Variants in AGPAT2 observed in about 807,000 individuals in gnomAD.
The protein encoded by AGPAT2 is 1-acylglycerol-3-phosphate O-acyltransferase 2.
AGPAT2 carries 18 observed loss-of-function variants against 26.1 expected under a neutral mutation model. The ratio of observed to expected loss-of-function variants is 0.69; its 90% confidence interval spans 0.48 to 1.02. The LOEUF is 1.02. Among genes scored for constraint, AGPAT2 ranks in the 50% least tolerant of loss-of-function variants. AGPAT2 has a pLI of 0.00. For synonymous variants in AGPAT2, 200 were observed against 174.2 expected (o/e 1.15, Z -1.16); for missense variants, 415 against 394.9 (o/e 1.05, Z -0.43).
chr9:136,677,770 A>G (rs1177145253), intron 1 of AGPAT2, among the ~76,000 whole-genome samples: 1 of 152,136 alleles, frequency 6.6e-6, no homozygotes, highest in Non-Finnish European at 1.5e-5. Context: ...CCGTCTCCCC[A>G]GCAACAGAGG....
chr9:136,686,193 G>C (rs571734530), intron 1 of AGPAT2, among the ~76,000 whole-genome samples: 7 of 152,226 alleles, frequency 4.6e-5, no homozygotes, highest in African/African-American at 1.7e-4. Context: ...CAAGGACAGC[G>C]AGTGCAGGGA....
At chr9:136,674,214 G>T (rs975657720) in intron 5 of AGPAT2, among the ~76,000 whole-genome samples, 1 of 152,206 alleles carries the variant, frequency 6.6e-6, no homozygotes, top group Admixed American at 6.5e-5. Context: ...CTACCTCACT[G>T]CCTGGCCTCT....
chr9:136,678,587 T>C (rs1348834804), intron 1 of AGPAT2, among the ~76,000 whole-genome samples: 1 of 152,128 alleles, frequency 6.6e-6, no homozygotes, highest in Non-Finnish European at 1.5e-5. Context: ...CCCCTCTCCA[T>C]GCAGACTAGT....
chr9:136,673,543 G>A lies in AGPAT2; in HGVS notation c.*209C>T. The A allele has an allele frequency of 2.2e-6, 1 of 458,806 alleles. No individual in the cohort carries two copies. The highest frequency in any genetic ancestry group is 6.2e-5 in the South Asian group (1 of 16,202). 28.4% of individuals were successfully genotyped at this position (458,806 alleles called of 1,614,324 possible). Reference sequence around the variant, plus strand: ...GCGCGAGTCCCTGCCCTCGAGCCCGGGGAGGGTCCAGCTGAGCCCCCTGCA... The same window carrying A: ...GCGCGAGTCCCTGCCCTCGAGCCCGAGGAGGGTCCAGCTGAGCCCCCTGCA... On this transcript the variant is annotated 3_prime_UTR_variant, in exon 6 of 6. Coordinates refer to ENST00000371696, the MANE Select transcript of AGPAT2 (RefSeq NM_006412.4).
chr9:136,679,029 C>T (rs1588265381), intron 1 of AGPAT2, among the ~76,000 whole-genome samples: 1 of 152,222 alleles, frequency 6.6e-6, no homozygotes. Context: ...GCTGGGCTTA[C>T]AGGCCTGAGC....
intron 1 of AGPAT2, among the ~76,000 whole-genome samples, chr9:136,680,345 G>C (rs1846143324): frequency 6.6e-6 from 1 of 152,120 alleles, no homozygotes; most frequent in South Asian, 2.1e-4. Flanking sequence ...TCCTGCCTCA[G>C]CCTCCTGAGT....
At chr9:136,677,371 G>A in intron 2 of AGPAT2, 52 bp downstream of exon 2, 1 of 1,612,046 alleles carries the variant, frequency 6.2e-7, no homozygotes, top group Non-Finnish European at 8.5e-7. Context: ...CACAGCCCCA[G>A]CTCAGCCGGC....
In AGPAT2 at chr9:136,673,834, A is replaced by G. The variant is rs1247427045; in HGVS notation, c.755T>C (p.Met252Thr). The stretch of plus-strand genomic sequence containing the variant: ...GGAGATGTGGAGGAAGGTGGTCCTC[A>G]TGGCCCGGTGGCAGGTGTCCACGAG... ...PALVDTCHRA[M>T]RTTFLHISKT... The change falls in exon 6 of 6, where the codon ATG becomes ACG. Residue 252 changes from methionine (M) to threonine (T), a missense_variant. Transcript: ENST00000371696. The G allele has an allele frequency of 3.7e-6, 6 of 1,606,582 alleles. No individual in the cohort carries two copies. The highest frequency in any genetic ancestry group is 3.3e-5 in the South Asian group (3 of 89,814).
intron 1 of AGPAT2, among the ~76,000 whole-genome samples, chr9:136,682,035 C>T (rs1383084741): frequency 6.6e-6 from 1 of 152,200 alleles, no homozygotes; most frequent in Non-Finnish European, 1.5e-5. Flanking sequence ...CCCCCCTCTT[C>T]AGATGAGGAA....
chr9:136,677,018 G>A lies in AGPAT2; in HGVS notation c.435C>T (p.Arg145=), dbSNP rs1430893895. Reference sequence around the variant, plus strand: ...CCATCACTGTCATGGCAGTGCTAGAGCGCTGCCGGTTGATGAAGAAGACGC... The same window carrying A: ...CCATCACTGTCATGGCAGTGCTAGAACGCTGCCGGTTGATGAAGAAGACGC... ...LGGVFFINRQ[R]SSTAMTVMAD... is the part of the protein sequence containing the mutation. Residue 145 remains arginine, a synonymous_variant, in exon 3 of 6, where the codon CGC becomes CGT. Coordinates refer to ENST00000371696, the MANE Select transcript of AGPAT2 (RefSeq NM_006412.4). 1.2e-6 allele frequency: 2 copies of A among 1,612,626 alleles called. No homozygotes were observed. The highest frequency in any genetic ancestry group is 1.1e-5 in the South Asian group (1 of 91,068).
chr9:136,678,016 G>A (rs1435020719), intron 1 of AGPAT2, among the ~76,000 whole-genome samples: 1 of 152,192 alleles, frequency 6.6e-6, no homozygotes, highest in Admixed American at 6.5e-5. Flanking sequence ...GCCCCTCAAG[G>A]CAGGGCCACA....
intron 1 of AGPAT2, among the ~76,000 whole-genome samples, chr9:136,678,473 G>A (rs560663183): frequency 1.3e-3 from 202 of 152,344 alleles, no homozygotes; most frequent in Middle Eastern, 3.4e-3. Context: ...GGCAGCCGGC[G>A]GGGATGGAGC....
intron 5 of AGPAT2, 123 bp from the exon 6 acceptor site, chr9:136,674,050 T>C: frequency 1.0e-6 from 1 of 966,862 alleles, no homozygotes; most frequent in Non-Finnish European, 1.4e-6. Flanking sequence ...GAGGCCGGGC[T>C]CTTCCCCTGG....
chr9:136,677,452 G>A lies in AGPAT2; in HGVS notation c.287C>T (p.Ser96Phe). Residue 96 changes from serine (S) to phenylalanine (F), a missense_variant, in exon 2 of 6, where the codon TCC becomes TTC. Ser to Phe is a radical substitution (Grantham distance 155, BLOSUM62 -2). Coordinates refer to ENST00000371696, the MANE Select transcript of AGPAT2 (RefSeq NM_006412.4). ...LQEARPCVIV[S>F]NHQSILDMMG... is the part of the protein sequence containing the mutation. Reference sequence around the variant, plus strand: ...CATGTCCAGGATGCTCTGGTGGTTGGAGACGATGACACAGGGACGGGCCTC... The same window carrying A: ...CATGTCCAGGATGCTCTGGTGGTTGAAGACGATGACACAGGGACGGGCCTC... 6.2e-7 allele frequency: 1 copy of A among 1,613,234 alleles called. No individual in the cohort carries two copies. Among genetic ancestry groups the A allele is most frequent in the Non-Finnish European group, 8.5e-7 (1 of 1,179,954 alleles).
intron 1 of AGPAT2, among the ~76,000 whole-genome samples, chr9:136,681,905 T>C (rs1317133272): frequency 6.6e-6 from 1 of 151,296 alleles, no homozygotes; most frequent in Non-Finnish European, 1.5e-5. Context: ...CAGAGAAAAA[T>C]CGCCTTCTAA....
chr9:136,677,048 G>A lies in AGPAT2; in HGVS notation c.405C>T (p.Leu135=), dbSNP rs375478547. The stretch of plus-strand genomic sequence containing the variant: ...GCCGGTTGATGAAGAAGACGCCCCC[G>A]AGGTACATGATGAGGCCCACGGGCC... ...FLGPVGLIMY[L]GGVFFINRQR... The change falls in exon 3 of 6, where the codon CTC becomes CTT. Residue 135 remains leucine (L), a synonymous_variant. Coordinates refer to ENST00000371696, the MANE Select transcript of AGPAT2 (RefSeq NM_006412.4). 4.5e-5 allele frequency: 73 copies of A among 1,613,194 alleles called. No individual in the cohort carries two copies. Among genetic ancestry groups the A allele is most frequent in the Middle Eastern group, 1.6e-4 (1 of 6,062 alleles).
At chr9:136,683,082 G>A (rs1288523928) in intron 1 of AGPAT2, among the ~76,000 whole-genome samples, 198 of 132,598 alleles carry the variant, frequency 1.5e-3, no homozygotes, top group Admixed American at 4.2e-3. Context: ...GGGAGGGGGG[G>A]AAGAATCCAA....
chr9:136,676,563 G>A (rs376115979), intron 4 of AGPAT2, 22 bp downstream of exon 4: 6 of 1,603,656 alleles, frequency 3.7e-6, no homozygotes, highest in African/African-American at 2.7e-5. Flanking sequence ...CACCCACCCA[G>A]GGAGGGCTGG....
rs1020207560 is a variant in AGPAT2, at chr9:136,673,664, T to C, written c.*88A>G. The stretch of plus-strand genomic sequence containing the variant: ...CTGGGGGAGCCGGACAGAGTGGTAT[T>C]TGGAAGCCGGGAGGAGTCCCCTCTG... On this transcript the variant is annotated 3_prime_UTR_variant, in exon 6 of 6. Coordinates refer to ENST00000371696, the MANE Select transcript of AGPAT2 (RefSeq NM_006412.4). 2 of 1,377,354 alleles carry C rather than the reference T, an allele frequency of 1.5e-6. No individual in the cohort carries two copies. The highest frequency in any genetic ancestry group is 1.9e-6 in the Non-Finnish European group (2 of 1,032,842). 85.3% of individuals were successfully genotyped at this position (1,377,354 alleles called of 1,614,324 possible). A position where few individuals can be genotyped will look rare whatever the true frequency, so the allele number is the denominator to read the frequency against.
Sources: gnomAD v4.1 joint callset for allele counts (sites outside exome capture counted in the v4.1 genomes callset) on GRCh38, gnomAD v4.1.1 for gene constraint, MANE v1.5 for transcripts, NCBI Gene and HGNC (gene_info 2026-07-23, HGNC 2026-07-21) for gene names.